Variants in FARSB observed in about 807,000 individuals in gnomAD.
The protein encoded by FARSB is phenylalanine--tRNA ligase beta subunit.
A neutral mutation model predicts 69.6 loss-of-function variants in FARSB; 40 were observed. The ratio of observed to expected loss-of-function variants is 0.57; its 90% CI spans 0.45 to 0.75. FARSB has a LOEUF of 0.75. Ranked by LOEUF, FARSB falls within the 30% of genes least tolerant of loss-of-function variation. The pLI is 0.00. For missense variants in FARSB, 632 were observed against 722.9 expected (o/e 0.87, Z 1.44); for synonymous variants, 235 against 247.2 (o/e 0.95, Z 0.46).
intron 10 of FARSB, among the ~76,000 whole-genome samples, chr2:222,626,979 T>C (rs985943257): frequency 2.0e-5 from 3 of 151,998 alleles, no homozygotes; most frequent in African/African-American, 7.3e-5. Flanking sequence ...GAGCTTGCAG[T>C]GAGCCGAGAT....
chr2:222,623,707 T>A lies in FARSB; in HGVS notation c.1194A>T (p.Glu398Asp). 1 of 1,610,674 alleles carries A rather than the reference T, an allele frequency of 6.2e-7. No homozygotes were observed. The highest frequency in any genetic ancestry group is 1.1e-5 in the South Asian group (1 of 90,862). Residue 398 changes from glutamate (E) to aspartate (D), a missense_variant, in exon 13 of 17, where the codon GAA becomes GAT. Transcript: ENST00000281828. ...CGGCTGCCATGTCATGTCGGAGAAG[T>A]TCAGTGAGCTTATTAAGAGGAAACT... The part of the protein sequence containing the change: ...ANQFPLNKLT[E>D]LLRHDMAAAG...
intron 16 of FARSB, among the ~76,000 whole-genome samples, chr2:222,583,628 T>C (rs1464782457): frequency 6.6e-6 from 1 of 152,180 alleles, no homozygotes; most frequent in South Asian, 2.1e-4. Flanking sequence ...TGAGACATGA[T>C]GGCTGAAGAA....
At chr2:222,617,609 C>T (rs997017665) in intron 14 of FARSB, among the ~76,000 whole-genome samples, 7 of 152,222 alleles carry the variant, frequency 4.6e-5, no homozygotes, top group African/African-American at 1.2e-4. Context: ...AAAGGCCAAG[C>T]GAGGTGGCTC....
chr2:222,600,591 T>A (rs1177615586), intron 15 of FARSB, among the ~76,000 whole-genome samples: 1 of 152,256 alleles, frequency 6.6e-6, no homozygotes, highest in Non-Finnish European at 1.5e-5. Context: ...AGAAAGCATC[T>A]TTATGATGGT....
intron 3 of FARSB, 50 bp downstream of exon 3, chr2:222,642,797 GGAAA>G (rs1691755043): frequency 1.3e-5 from 18 of 1,360,976 alleles, no homozygotes; most frequent in Non-Finnish European, 1.6e-5. Flanking sequence ...ATAATGACAA[GGAAA>G]GAAAAGAAAA....
At chr2:222,601,366 C>A (rs1160860643) in intron 15 of FARSB, among the ~76,000 whole-genome samples, 1 of 151,840 alleles carries the variant, frequency 6.6e-6, no homozygotes, top group Non-Finnish European at 1.5e-5. Context: ...AAGGCCAAGG[C>A]AAGAGTTTGA....
chr2:222,587,070 C>G (rs2106185875), intron 16 of FARSB, among the ~76,000 whole-genome samples: 1 of 152,346 alleles, frequency 6.6e-6, no homozygotes, highest in South Asian at 2.1e-4. Context: ...CTCAGCACCA[C>G]ATCGCACTTA....
At chr2:222,596,511 C>T (rs1269847933) in intron 16 of FARSB, among the ~76,000 whole-genome samples, 1 of 152,130 alleles carries the variant, frequency 6.6e-6, no homozygotes, top group African/African-American at 2.4e-5. Flanking sequence ...ACTGCAAAGC[C>T]ACTAGAGATT....
At chr2:222,638,837 A>G (rs1691648301) in intron 5 of FARSB, among the ~76,000 whole-genome samples, 1 of 152,234 alleles carries the variant, frequency 6.6e-6, no homozygotes, top group Non-Finnish European at 1.5e-5. Context: ...TTGGATCAAC[A>G]TGCAGTAACT....
At chr2:222,621,913 G>A (rs1691146366) in intron 13 of FARSB, among the ~76,000 whole-genome samples, 1 of 152,104 alleles carries the variant, frequency 6.6e-6, no homozygotes, top group South Asian at 2.1e-4. Context: ...AACCCTCTAG[G>A]AGCTCACTCC....
Position 222,600,026 on chromosome 2 carries a change from C to A in FARSB, c.1520G>T (p.Gly507Val). The change falls in exon 16 of 17, where the codon GGG becomes GTG. Residue 507 changes from glycine to valine, a missense_variant. By Grantham distance (109) the Gly-to-Val change is moderately radical (BLOSUM62 -3). Transcript: ENST00000281828. ...LCAVYYNKNP[G>V]FEIIHGLLDR... ...CAGCAGCCCATGAATGATCTCAAAC[C>A]CAGGATTCTTGTTGTAATAAACAGC... The A allele has an allele frequency of 6.2e-7, 1 of 1,611,364 alleles. No homozygotes were observed.
At position 222,644,450 on chromosome 2, in the gene FARSB, G is replaced by A. The variant is rs546646037; in HGVS notation, c.115-1445C>T. 170 of 437,624 alleles carry A rather than the reference G, an allele frequency of 3.9e-4. 3 individuals are homozygous for A. Among genetic ancestry groups the A allele is most frequent in the South Asian group, 2.7e-3 (167 of 62,266 alleles). The allele number at this position is 437,624 out of a possible 1,614,324, so 27.1% of individuals were successfully genotyped here. A position where few individuals can be genotyped will look rare whatever the true frequency, so the allele number is the denominator to read the frequency against. On this transcript the variant is annotated intron_variant, in intron 2 of 16. Coordinates refer to ENST00000281828, the MANE Select transcript of FARSB (RefSeq NM_005687.5). ...AGGGGAATGGGGAGAGGCAAAAAGA[G>A]AAGAGGAAGAATTCGAGTTTAAACA... is the stretch of plus-strand genomic sequence containing the variant.
Position 222,633,227 on chromosome 2 carries a change from G to A in FARSB, c.687C>T (p.Val229=), listed in dbSNP as rs751573310. Residue 229 remains valine (V), a synonymous_variant, in exon 7 of 17, where the codon GTC becomes GTT. Coordinates refer to ENST00000281828, the MANE Select transcript of FARSB (RefSeq NM_005687.5). The part of the protein sequence containing the change: ...LYPVIYDSNG[V]VLSMPPIING... The stretch of plus-strand genomic sequence containing the variant: ...TGATGATGGGAGGCATTGAAAGGAC[G>A]ACACCATTGCTATCATAGATAACTG... The A allele has an allele frequency of 1.0e-5, 16 of 1,565,354 alleles. No homozygotes were observed. The highest frequency in any genetic ancestry group is 2.2e-5 in the East Asian group (1 of 44,554).
At chr2:222,637,133 G>A (rs938607742) in intron 5 of FARSB, among the ~76,000 whole-genome samples, 1 of 152,116 alleles carries the variant, frequency 6.6e-6, no homozygotes. Context: ...TTCAAGCCAA[G>A]ACAGAATAAC....
At chr2:222,651,454 G>A (rs1224289889) in intron 1 of FARSB, among the ~76,000 whole-genome samples, 1 of 152,178 alleles carries the variant, frequency 6.6e-6, no homozygotes, top group Non-Finnish European at 1.5e-5. Context: ...CAAATCCAAG[G>A]CACTGCCAGG....
rs1014327685 is a variant in FARSB, at chr2:222,571,705, C to T, written c.*166G>A. 26 of 601,602 alleles carry T rather than the reference C, an allele frequency of 4.3e-5. No homozygotes were observed. The African/African-American group carries it at 4.4e-4, about 10-fold the overall frequency. The allele number at this position is 601,602 out of a possible 1,614,324, so 37.3% of individuals were successfully genotyped here. Reference sequence around the variant, plus strand: ...ACACTGGTATATGGCACAAGCTGGCCTAATATGCAGGGAAAGGATGGTCTC... The same window carrying T: ...ACACTGGTATATGGCACAAGCTGGCTTAATATGCAGGGAAAGGATGGTCTC... On this transcript the variant is annotated 3_prime_UTR_variant, in exon 17 of 17. Coordinates refer to ENST00000281828, the MANE Select transcript of FARSB (RefSeq NM_005687.5).
At chr2:222,580,996 CAAG>C (rs1689955136) in intron 16 of FARSB, among the ~76,000 whole-genome samples, 1 of 152,144 alleles carries the variant, frequency 6.6e-6, no homozygotes. Flanking sequence ...AGACCCTCAG[CAAG>C]AAGATCACAT....
intron 15 of FARSB, among the ~76,000 whole-genome samples, chr2:222,604,722 A>ATTTTTTTTTTTTTTT (rs56201038): frequency 3.6e-4 from 40 of 110,696 alleles, no homozygotes; most frequent in Non-Finnish European, 5.1e-4. Flanking sequence ...TGCCCACTGA[A>ATTTTTTTTTTTTTTT]TTTTTTTTTT....
chr2:222,640,140 G>A (rs1436719515), intron 4 of FARSB, among the ~76,000 whole-genome samples: 1 of 152,134 alleles, frequency 6.6e-6, no homozygotes, highest in African/African-American at 2.4e-5. Flanking sequence ...TTAAGGGCTA[G>A]GGGCTAAGTA....
Sources: allele counts gnomAD v4.1 joint callset (sites outside exome capture counted in the v4.1 genomes callset), GRCh38; gene constraint gnomAD v4.1.1; transcripts MANE v1.5; gene names NCBI Gene and HGNC (gene_info 2026-07-23, HGNC 2026-07-21).